The following SYTL2 variants were observed in gnomAD, a reference collection of about 807,000 sequenced individuals.
SYTL2 encodes the protein synaptotagmin like 2, also known as synaptotagmin-like protein 2.
Under a neutral mutation model 198.7 loss-of-function variants are expected in SYTL2, and 165 were observed. The observed-to-expected ratio is 0.83, with a 90% CI of 0.73 to 0.94. SYTL2 has a LOEUF of 0.94. SYTL2 is among the 40% of genes least tolerant of loss of function. The pLI is 0.00. For synonymous variants in SYTL2, 966 were observed against 917.7 expected (o/e 1.05, Z -0.95); for missense variants, 2,835 against 2,582.8 (o/e 1.10, Z -2.12).
chr11:85,824,781 T>C, the SYTL2 span, among the ~76,000 whole-genome samples: 2,090 of 152,258 alleles, frequency 0.014, 32 homozygotes, highest in Middle Eastern at 0.058. Flanking sequence ...GTGCGGGCAC[T>C]AGGAGAAGTC....
rs555430561 is a variant in SYTL2, at chr11:85,727,844, C to T, written c.1514G>A (p.Gly505Asp). Residue 505 changes from glycine (G) to aspartate (D), a missense_variant, in exon 8 of 20, where the codon GGT becomes GAT. Around this residue, in one of 3 missense-constraint regions of SYTL2, gnomAD observed 2,645 missense variants for 2,381.7 expected, o/e 1.11. Coordinates refer to ENST00000359152, the MANE Select transcript of SYTL2 (RefSeq NM_206927.4). ...ALKAKTSSRS[G>D]PYATEIKKST... ...CTTCTTTATCTCAGTGGCATATGGA[C>T]CAGAACGTGAAGATGTCTTAGCTTT... is the stretch of plus-strand genomic sequence containing the variant. 1.2e-6 allele frequency: 2 copies of T among 1,612,020 alleles called. No homozygotes were observed. The highest frequency in any genetic ancestry group is 1.3e-5 in the African/African-American group (1 of 74,850).
rs2088963963 is a variant in SYTL2, at chr11:85,725,215, T to C, written c.4143A>G (p.Val1381=). 1 of 1,614,180 alleles carries C rather than the reference T, an allele frequency of 6.2e-7. No homozygotes were observed. The highest frequency in any genetic ancestry group is 8.5e-7 in the Non-Finnish European group (1 of 1,180,008). ...CCCTTCCAGCTGGATAACTTAACCA[T>C]ACTTCTCCACACAGCTTCTGTAATG... ...SAALQKLCGE[V]WLSYPAGREV... is the part of the protein sequence containing the mutation. Residue 1381 remains valine (V), a synonymous_variant, in exon 8 of 20, where the codon GTA becomes GTG. Transcript: ENST00000359152.
intron 16 of SYTL2, among the ~76,000 whole-genome samples, chr11:85,701,982 A>G (rs957727519): frequency 6.6e-6 from 1 of 152,148 alleles, no homozygotes; most frequent in Non-Finnish European, 1.5e-5. Flanking sequence ...CTGAAAAGGT[A>G]AGCAGGACTT....
intron 13 of SYTL2, 71 bp downstream of exon 13, chr11:85,711,042 T>C (rs1403996889): frequency 2.5e-5 from 38 of 1,508,676 alleles, no homozygotes; most frequent in Non-Finnish European, 3.4e-5. Context: ...TGTTTTACAA[T>C]GAGCATGAGC....
At chr11:85,737,071 C>T (rs1299178160) in intron 5 of SYTL2, among the ~76,000 whole-genome samples, 1 of 152,126 alleles carries the variant, frequency 6.6e-6, no homozygotes, top group East Asian at 1.9e-4. Flanking sequence ...TTTTAGGTAT[C>T]TTGAAGTGCT....
chr11:85,834,788 G>T, the SYTL2 span, among the ~76,000 whole-genome samples: 5 of 150,860 alleles, frequency 3.3e-5, no homozygotes, highest in East Asian at 9.7e-4. Flanking sequence ...TTGAGACAGG[G>T]TCTTTCTCTG....
chr11:85,711,069 C>A, intron 13 of SYTL2, 44 bp downstream of exon 13: 1 of 1,602,972 alleles, frequency 6.2e-7, no homozygotes, highest in South Asian at 1.1e-5. Context: ...GAGCAAGGTT[C>A]AGAGACGCGG....
the SYTL2 span, among the ~76,000 whole-genome samples, chr11:85,839,546 C>G: frequency 6.6e-6 from 1 of 152,292 alleles, no homozygotes; most frequent in Non-Finnish European, 1.5e-5. Flanking sequence ...GAATGTTTGT[C>G]TTTCTGTTCC....
intron 1 of SYTL2, among the ~76,000 whole-genome samples, chr11:85,775,412 C>T (rs540337701): frequency 6.6e-5 from 10 of 152,286 alleles, no homozygotes; most frequent in East Asian, 1.9e-4. Context: ...CTGTAGCACA[C>T]GTACTCTTCA....
chr11:85,698,053 T>A lies in SYTL2; in HGVS notation c.6294A>T (p.Glu2098Asp). ...VPGKKLPTTG[E>D]VHIWVKECLD... is the part of the protein sequence containing the mutation. ...GGCATTCCTTCACCCAGATGTGCAC[T>A]TCTCCAGTTGTAGGAAGCTTTTTAC... The change falls in exon 18 of 20, where the codon GAA becomes GAT. Residue 2098 changes from glutamate (E) to aspartate (D), a missense_variant. This residue lies in a region of SYTL2 where 185 missense variants were observed against 182.1 expected (regional missense o/e 1.02). Coordinates refer to ENST00000359152, the MANE Select transcript of SYTL2 (RefSeq NM_206927.4). 1 of 1,605,006 alleles carries A rather than the reference T, an allele frequency of 6.2e-7. No homozygotes were observed. The highest frequency in any genetic ancestry group is 8.5e-7 in the Non-Finnish European group (1 of 1,171,952).
intron 16 of SYTL2, among the ~76,000 whole-genome samples, chr11:85,703,894 G>A (rs1565855765): frequency 6.6e-6 from 1 of 151,966 alleles, no homozygotes; most frequent in Non-Finnish European, 1.5e-5. Flanking sequence ...GAATTCAAGG[G>A]TGCATATTAT....
At chr11:85,778,886 G>C (rs2092507117) in intron 1 of SYTL2, among the ~76,000 whole-genome samples, 1 of 152,190 alleles carries the variant, frequency 6.6e-6, no homozygotes, top group South Asian at 2.1e-4. Flanking sequence ...GCTGAGGTGG[G>C]AGAATGGCTT....
the SYTL2 span, among the ~76,000 whole-genome samples, chr11:85,826,589 C>G: frequency 6.6e-6 from 1 of 152,158 alleles, no homozygotes; most frequent in Non-Finnish European, 1.5e-5. Flanking sequence ...GTCTAGGGAG[C>G]CAGCGTCTGG....
intron 1 of SYTL2, among the ~76,000 whole-genome samples, chr11:85,797,167 C>G (rs912892674): frequency 2.0e-5 from 3 of 152,174 alleles, no homozygotes; most frequent in Non-Finnish European, 4.4e-5. Context: ...TCAAACCGAC[C>G]ATATTACTCT....
chr11:85,770,991 T>A (rs2092343818), intron 1 of SYTL2, among the ~76,000 whole-genome samples: 1 of 152,240 alleles, frequency 6.6e-6, no homozygotes, highest in Non-Finnish European at 1.5e-5. Flanking sequence ...ATCATACCTA[T>A]CTTACTGAGT....
rs1475337871 is a variant in SYTL2 at position 85,700,512 on chromosome 11, T to C, written c.6268+3A>G. ...TAAATCTGAATAGAAAGTCATTACA[T>C]ACCAGGGACTGGCTCTGGGACATAC... is the stretch of plus-strand genomic sequence containing the variant. On this transcript the variant is annotated splice_donor_region_variant and intron_variant, in intron 17 of 19. Transcript: ENST00000359152. 6.2e-7 allele frequency: 1 copy of C among 1,609,960 alleles called. No individual in the cohort carries two copies. Among genetic ancestry groups the C allele is most frequent in the Admixed American group, 1.7e-5 (1 of 59,996 alleles).
Position 85,726,021 on chromosome 11 carries a change from C to G in SYTL2, c.3337G>C (p.Glu1113Gln). Residue 1113 changes from glutamate (E) to glutamine (Q), a missense_variant, in exon 8 of 20, where the codon GAG (glutamate) becomes CAG (glutamine). Physicochemically the swap from Glu to Gln is conservative, Grantham distance 29. Transcript: ENST00000359152. ...FKEEKDYSEQ[E>Q]IQESIIKTNV... The stretch of plus-strand genomic sequence containing the variant: ...GTTTTTATTATGGATTCTTGAATCT[C>G]TTGTTCTGAGTAATCCTTTTCTTCC... The G allele has an allele frequency of 6.2e-7, 1 of 1,613,408 alleles. No individual in the cohort carries two copies. Among genetic ancestry groups the G allele is most frequent in the Admixed American group, 1.7e-5 (1 of 59,904 alleles).
At chr11:85,764,572 G>A (rs1591962065) in intron 1 of SYTL2, among the ~76,000 whole-genome samples, 1 of 152,152 alleles carries the variant, frequency 6.6e-6, no homozygotes, top group Non-Finnish European at 1.5e-5. Flanking sequence ...TAGAACCCAA[G>A]TTTCCTGATT....
chr11:85,840,169 T>G, the SYTL2 span, among the ~76,000 whole-genome samples: 1 of 152,204 alleles, frequency 6.6e-6, no homozygotes, highest in Non-Finnish European at 1.5e-5. Flanking sequence ...CCTGAGGTCC[T>G]TACATATTCT....
Sources: allele counts gnomAD v4.1 joint callset (sites outside exome capture counted in the v4.1 genomes callset), GRCh38; gene constraint gnomAD v4.1.1; regional missense constraint gnomAD v4.1.1; transcripts MANE v1.5; gene names NCBI Gene and HGNC (gene_info 2026-07-23, HGNC 2026-07-21).